The following WNT16 variants were observed in gnomAD, a reference collection of about 807,000 sequenced individuals.
WNT16 encodes Wnt family member 16, also known as protein Wnt-16.
Under a neutral mutation model 35.4 loss-of-function variants are expected in WNT16, and 20 were observed. That is an observed-to-expected ratio of 0.56 (90% CI 0.40 to 0.82). WNT16 has a LOEUF of 0.82. Among genes scored for constraint, WNT16 ranks in the 40% least tolerant of loss-of-function variants. The pLI is 0.00. For synonymous variants in WNT16, 180 were observed against 179.2 expected (o/e 1.00, Z -0.03); for missense variants, 461 against 466.0 (o/e 0.99, Z 0.10).
At chr7:121,333,561 A>G (rs1045418078) in intron 3 of WNT16, among the ~76,000 whole-genome samples, 1 of 152,008 alleles carries the variant, frequency 6.6e-6, no homozygotes, top group Non-Finnish European at 1.5e-5. Flanking sequence ...TTAAAAAAAT[A>G]AATGACTGAG....
chr7:121,333,037 A>G (rs1562876166), intron 3 of WNT16, among the ~76,000 whole-genome samples: 1 of 152,056 alleles, frequency 6.6e-6, no homozygotes, highest in Non-Finnish European at 1.5e-5. Flanking sequence ...AATCTTTTAT[A>G]TGAATATATA....
chr7:121,332,765 G>T (rs879747901), intron 3 of WNT16, among the ~76,000 whole-genome samples: 3 of 151,940 alleles, frequency 2.0e-5, no homozygotes, highest in Non-Finnish European at 4.4e-5. Context: ...GCATAAAGAA[G>T]CTATAGGTAT....
At chr7:121,334,711 A>C (rs3801387) in intron 3 of WNT16, among the ~76,000 whole-genome samples, 1 of 151,890 alleles carries the variant, frequency 6.6e-6, no homozygotes, top group African/African-American at 2.4e-5. Context: ...TTCTGACACC[A>C]TTCCTAAACT....
chr7:121,337,026 A>G (rs917309388), intron 3 of WNT16, among the ~76,000 whole-genome samples: 2 of 150,616 alleles, frequency 1.3e-5, no homozygotes, highest in African/African-American at 5.0e-5. Context: ...AAATTTGAAC[A>G]AAGTAGGCAG....
At chr7:121,326,038 C>CAAAAAA (rs386411143), upstream of WNT16, among the ~76,000 whole-genome samples, 1,016 of 23,054 alleles carry the variant, frequency 0.044, 106 homozygotes, top group African/African-American at 0.085. Context: ...TACCTCATCT[C>CAAAAAA]AAAAAAAAAA....
rs190426096 is a variant in WNT16, at chr7:121,335,744, T to G, written c.634-3137T>G. Among the ~76,000 whole-genome samples the G allele has an allele frequency of 1.7e-4, 26 of 152,198 alleles. No individual in the cohort carries two copies. In the East Asian group the frequency reaches 4.8e-3, roughly 28 times the overall value. On this transcript the variant is annotated intron_variant, in intron 3 of 3. Coordinates refer to ENST00000222462, the MANE Select transcript of WNT16 (RefSeq NM_057168.2). ...TACTTGCATTTTCCACTTTTATTTT[T>G]CCCTATTCTACTAAAATTATCCTGC...
upstream of WNT16, chr7:121,325,427 C>T (rs1273048384): frequency 4.3e-6 from 7 of 1,613,540 alleles, no homozygotes; most frequent in African/African-American, 6.7e-5. Context: ...TGCAGCTCAC[C>T]ACTTGCCTCA....
chr7:121,329,738 A>G lies in WNT16; in HGVS notation c.267A>G (p.Arg89=), dbSNP rs774484930. 6.2e-7 allele frequency: 1 copy of G among 1,611,344 alleles called. No individual in the cohort carries two copies. The highest frequency in any genetic ancestry group is 8.5e-7 in the Non-Finnish European group (1 of 1,179,854). Residue 89 remains arginine (R), a synonymous_variant, in exon 2 of 4, where the codon AGA becomes AGG. Transcript: ENST00000222462. ...QECGSQFRHE[R]WNCMITAAAT... ...GCGGGAGCCAGTTCAGACACGAGAG[A>G]TGGAACTGCATGATCACCGCCGCCG...
In WNT16 at chr7:121,331,886, C is replaced by T. The variant is rs1793355399; in HGVS notation, c.555C>T (p.Phe185=). ...GMWFSRKFLD[F]PIGNTTGKEN... is the part of the protein sequence containing the mutation. The stretch of plus-strand genomic sequence containing the variant: ...GGTTCAGCAGAAAGTTCCTAGATTT[C>T]CCCATCGGAAACACCACGGGCAAAG... The change falls in exon 3 of 4, where the codon TTC becomes TTT. Residue 185 remains phenylalanine, a synonymous_variant. Coordinates refer to ENST00000222462, the MANE Select transcript of WNT16 (RefSeq NM_057168.2). 1 of 1,614,146 alleles carries T rather than the reference C, an allele frequency of 6.2e-7. No homozygotes were observed. The highest frequency in any genetic ancestry group is 1.3e-5 in the African/African-American group (1 of 75,026).
chr7:121,326,474 C>G (rs1169571518), upstream of WNT16, among the ~76,000 whole-genome samples: 1 of 152,176 alleles, frequency 6.6e-6, no homozygotes, highest in Non-Finnish European at 1.5e-5. Flanking sequence ...ACACAGTGGT[C>G]TCTGACTCTC....
rs1406596152 is a variant in WNT16, at chr7:121,340,244, A to T, written c.*899A>T. ...TACATTGTAAAGAAAAGCACCCTTTAAATGTGTAAAGACAGTGTTTTGTAA... is the reference window on the plus strand; with the variant it reads ...TACATTGTAAAGAAAAGCACCCTTTTAATGTGTAAAGACAGTGTTTTGTAA... On this transcript the variant is annotated 3_prime_UTR_variant, in exon 4 of 4. Transcript: ENST00000222462. 1 of 152,214 alleles carries T rather than the reference A, an allele frequency of 6.6e-6. No individual in the cohort carries two copies. Among genetic ancestry groups the T allele is most frequent in the Non-Finnish European group, 1.5e-5 (1 of 68,014 alleles). 9.4% of individuals were successfully genotyped at this position (152,214 alleles called of 1,614,324 possible).
chr7:121,336,286 T>C (rs1793445179), intron 3 of WNT16, among the ~76,000 whole-genome samples: 1 of 151,932 alleles, frequency 6.6e-6, no homozygotes, highest in East Asian at 1.9e-4. Context: ...TCTATAGATG[T>C]TCGAGGATAC....
chr7:121,325,410 G>A, upstream of WNT16: 1 of 1,612,166 alleles, frequency 6.2e-7, no homozygotes. Context: ...AGATGGAAAG[G>A]CACCCATGCA....
chr7:121,334,174 A>G (rs1793398337), intron 3 of WNT16, among the ~76,000 whole-genome samples: 1 of 152,012 alleles, frequency 6.6e-6, no homozygotes, highest in South Asian at 2.1e-4. Context: ...ATATATGTAC[A>G]TTTTGTGTAA....
Position 121,333,828 on chromosome 7 carries a change from A to G in WNT16, c.633+1864A>G, listed in dbSNP as rs570701852. 5.3e-5 allele frequency among the ~76,000 whole-genome samples: 8 copies of G among 152,148 alleles called. No individual in the cohort carries two copies. In the East Asian group the frequency reaches 1.5e-3, roughly 29 times the overall value. Reference sequence around the variant, plus strand: ...GATTTTTAATAAACTAGAAATTCAGAACACAAAAACTCACGTTATGATTGA... The same window carrying G: ...GATTTTTAATAAACTAGAAATTCAGGACACAAAAACTCACGTTATGATTGA... On this transcript the variant is annotated intron_variant, in intron 3 of 3. Transcript: ENST00000222462.
At position 121,331,724 on chromosome 7, in the gene WNT16, G is replaced by C. The variant is rs1325192462; in HGVS notation, c.393G>C (p.Leu131=). The change falls in exon 3 of 4, where the codon CTG becomes CTC. Residue 131 remains leucine (L), a synonymous_variant. Coordinates refer to ENST00000222462, the MANE Select transcript of WNT16 (RefSeq NM_057168.2). ...TTTATGCTGTGATGGCTGCAGGCCT[G>C]GTGCATTCTGTGACCAGGTCATGCA... is the stretch of plus-strand genomic sequence containing the variant. ...AFIYAVMAAG[L]VHSVTRSCSA... 5 of 1,614,136 alleles carry C rather than the reference G, an allele frequency of 3.1e-6. No individual in the cohort carries two copies. In the East Asian group the frequency reaches 8.9e-5, roughly 29 times the overall value.
upstream of WNT16, among the ~76,000 whole-genome samples, chr7:121,326,515 AG>A (rs1793246317): frequency 6.6e-6 from 1 of 152,166 alleles, no homozygotes; most frequent in Non-Finnish European, 1.5e-5. Flanking sequence ...TGCACCCCAA[AG>A]GCTTTATCTG....
Position 121,331,825 on chromosome 7 carries a change from G to T in WNT16, c.494G>T (p.Trp165Leu), listed in dbSNP as rs1793353524. 2.5e-6 allele frequency: 4 copies of T among 1,613,962 alleles called. No individual in the cohort carries two copies. The highest frequency in any genetic ancestry group is 3.4e-6 in the Non-Finnish European group (4 of 1,180,022). ...NGGSASEGWH[W>L]GGCSDDVQYG... Reference sequence around the variant, plus strand: ...GGCTCAGCAAGTGAAGGCTGGCACTGGGGGGGCTGCTCCGATGATGTCCAG... The same window carrying T: ...GGCTCAGCAAGTGAAGGCTGGCACTTGGGGGGCTGCTCCGATGATGTCCAG... Residue 165 changes from tryptophan (W) to leucine (L), a missense_variant, in exon 3 of 4, where the codon TGG (tryptophan) becomes TTG (leucine). Trp to Leu is a moderately conservative substitution (Grantham distance 61). Transcript: ENST00000222462.
At chr7:121,325,685 C>A (rs1793234253), upstream of WNT16, among the ~76,000 whole-genome samples, 1 of 151,946 alleles carries the variant, frequency 6.6e-6, no homozygotes, top group East Asian at 1.9e-4. Flanking sequence ...ATATCTCTCT[C>A]TATACACACA....
Sources: gnomAD v4.1 joint callset for allele counts (sites outside exome capture counted in the v4.1 genomes callset) on GRCh38, gnomAD v4.1.1 for gene constraint, MANE v1.5 for transcripts, NCBI Gene and HGNC (gene_info 2026-07-23, HGNC 2026-07-21) for gene names.